ERMP1: variants seen among roughly 807,000 people sequenced by gnomAD.
ERMP1 encodes the protein endoplasmic reticulum metallopeptidase 1.
ERMP1 carries 86 observed loss-of-function variants against 92.0 expected under a neutral mutation model. The observed-to-expected ratio is 0.93, with a 90% CI of 0.79 to 1.12. The LOEUF is 1.12. Ranked by LOEUF, ERMP1 falls within the 50% of genes most tolerant of loss-of-function variation. The pLI, the probability that ERMP1 is intolerant of heterozygous loss-of-function variation, is 0.00. For missense variants in ERMP1, 1,342 were observed against 1,116.3 expected (o/e 1.20, Z -2.88); for synonymous variants, 530 against 412.8 (o/e 1.28, Z -3.44).
intron 4 of ERMP1, among the ~76,000 whole-genome samples, chr9:5,815,440 C>G (rs896887447): frequency 8.9e-6 from 1 of 111,918 alleles, no homozygotes; most frequent in African/African-American, 3.4e-5. Context: ...ACAAAATAAA[C>G]AATAGTAACA....
rs1488392809 is a variant in ERMP1, at chr9:5,789,937, A to G, written c.2387-2344T>C. Among the ~76,000 whole-genome samples, 3 of 150,540 alleles carry G rather than the reference A, an allele frequency of 2.0e-5. No homozygotes were observed. The East Asian group carries it at 5.9e-4, about 30-fold the overall frequency. The stretch of plus-strand genomic sequence containing the variant: ...GGGCTCAAGCCATCCTCCTGCCTCA[A>G]CCTCCCAAAGTACCCCCAAAGTGAG... On this transcript the variant is annotated intron_variant, in intron 13 of 14. Transcript: ENST00000339450.
chr9:5,796,831 A>G (rs570863994), intron 13 of ERMP1, among the ~76,000 whole-genome samples: 2 of 152,282 alleles, frequency 1.3e-5, no homozygotes, highest in East Asian at 3.9e-4. Context: ...TTCAATACCC[A>G]TAGAACTACA....
chr9:5,808,599 T>G (rs1828958912), intron 8 of ERMP1, among the ~76,000 whole-genome samples: 1 of 152,214 alleles, frequency 6.6e-6, no homozygotes. Context: ...ATTCTAATCT[T>G]TATCAGGATA....
chr9:5,817,801 C>T (rs1829377066), intron 4 of ERMP1, among the ~76,000 whole-genome samples: 1 of 151,990 alleles, frequency 6.6e-6, no homozygotes, highest in Admixed American at 6.6e-5. Context: ...CCCACAGCAT[C>T]CTTCCACTGC....
intron 5 of ERMP1, among the ~76,000 whole-genome samples, chr9:5,866,396 T>C (rs1234938478): frequency 6.6e-6 from 1 of 152,202 alleles, no homozygotes; most frequent in African/African-American, 2.4e-5. Flanking sequence ...GATTGTTGGA[T>C]CCTACTGTTT....
upstream of ERMP1, among the ~76,000 whole-genome samples, chr9:5,835,220 T>C (rs1485467382): frequency 6.6e-6 from 1 of 152,154 alleles, no homozygotes; most frequent in East Asian, 1.9e-4. Context: ...GGTATTCACG[T>C]TTGAATATTT....
chr9:5,797,641 C>G (rs1828486010), intron 13 of ERMP1, among the ~76,000 whole-genome samples, 176 bp downstream of exon 13: 2 of 138,144 alleles, frequency 1.4e-5, no homozygotes, highest in Non-Finnish European at 3.2e-5. Flanking sequence ...GAGCGAGACT[C>G]CATCTCAAAA....
intron 8 of ERMP1, among the ~76,000 whole-genome samples, chr9:5,806,814 T>G (rs1292897635): frequency 2.0e-5 from 3 of 152,150 alleles, no homozygotes; most frequent in African/African-American, 7.2e-5. Flanking sequence ...TTAATTACGG[T>G]GCATAAATAC....
chr9:5,855,105 T>C (rs1830356843), intron 6 of ERMP1, among the ~76,000 whole-genome samples: 1 of 152,134 alleles, frequency 6.6e-6, no homozygotes, highest in South Asian at 2.1e-4. Flanking sequence ...TTGAGAGAGA[T>C]AAAAGCAGTA....
At chr9:5,843,484 A>G (rs768448160) in intron 6 of ERMP1, among the ~76,000 whole-genome samples, 39 of 152,136 alleles carry the variant, frequency 2.6e-4, no homozygotes, top group Non-Finnish European at 5.0e-4. Flanking sequence ...TAAAGATAAA[A>G]TATTTCCCTG....
chr9:5,838,699 T>G (rs1163081855), intron 6 of ERMP1, among the ~76,000 whole-genome samples: 2 of 151,982 alleles, frequency 1.3e-5, no homozygotes, highest in Non-Finnish European at 1.5e-5. Flanking sequence ...AAATAAATTA[T>G]AGTACATTCA....
chr9:5,851,933 C>A (rs761653700), intron 6 of ERMP1, among the ~76,000 whole-genome samples: 2 of 152,048 alleles, frequency 1.3e-5, no homozygotes, highest in African/African-American at 2.4e-5. Flanking sequence ...GTCATTTTTT[C>A]TGCCATTAAA....
chr9:5,790,867 G>A (rs918826270), intron 13 of ERMP1, among the ~76,000 whole-genome samples: 1 of 152,152 alleles, frequency 6.6e-6, no homozygotes, highest in African/African-American at 2.4e-5. Flanking sequence ...GAGCTTTGTG[G>A]GGTGATGGAA....
At chr9:5,796,977 G>A (rs1023302076) in intron 13 of ERMP1, among the ~76,000 whole-genome samples, 1 of 152,112 alleles carries the variant, frequency 6.6e-6, no homozygotes, top group Non-Finnish European at 1.5e-5. Flanking sequence ...TCGGGGGGCA[G>A]GATATGAGAA....
At chr9:5,797,972 ATT>A in intron 12 of ERMP1, 40 bp from the exon 13 acceptor site, 1 of 1,212,936 alleles carries the variant, frequency 8.2e-7, no homozygotes, top group East Asian at 2.3e-5. Flanking sequence ...GTGCTTTATT[ATT>A]TGATGGCTAT....
At chr9:5,834,766 G>A (rs1003810248), upstream of ERMP1, among the ~76,000 whole-genome samples, 12 of 109,512 alleles carry the variant, frequency 1.1e-4, no homozygotes, top group African/African-American at 4.0e-4. Context: ...AATATCCCAT[G>A]GTACCATAAT....
intron 11 of ERMP1, 75 bp downstream of exon 11, chr9:5,801,101 G>T: frequency 6.8e-7 from 1 of 1,464,252 alleles, no homozygotes; most frequent in Non-Finnish European, 9.2e-7. Context: ...AGCTGCGCTT[G>T]CTATTCACTA....
rs575512692 is a variant in ERMP1, at chr9:5,850,178, T to G, written n.3199+9290A>C. Among the ~76,000 whole-genome samples, 20 of 151,714 alleles carry G rather than the reference T, an allele frequency of 1.3e-4. No individual in the cohort carries two copies. In the East Asian group the frequency reaches 3.3e-3, roughly 25 times the overall value. ...TCATCGGCATCAGAATTACCCTGAG[T>G]GCTTGCTAGAAATAGAGAATTCCTC... is the stretch of plus-strand genomic sequence containing the variant. On this transcript the variant is annotated intron_variant and non_coding_transcript_variant, in intron 6 of 6. Transcript: ENST00000690753.
intron 4 of ERMP1, among the ~76,000 whole-genome samples, chr9:5,813,644 T>C (rs1043416039): frequency 2.0e-5 from 3 of 152,092 alleles, no homozygotes; most frequent in African/African-American, 7.2e-5. Context: ...TGGAGCATTA[T>C]GGATTTCAAA....
Sources: gnomAD v4.1 joint callset for allele counts (sites outside exome capture counted in the v4.1 genomes callset) on GRCh38, gnomAD v4.1.1 for gene constraint, MANE v1.5 for transcripts, NCBI Gene and HGNC (gene_info 2026-07-23, HGNC 2026-07-21) for gene names.